Variants in LCMT1 observed in about 807,000 individuals in gnomAD.
The protein encoded by LCMT1 is leucine carboxyl methyltransferase 1.
A neutral mutation model predicts 47.7 loss-of-function variants in LCMT1; 32 were observed. The ratio of observed to expected loss-of-function variants is 0.67; its 90% CI spans 0.51 to 0.90. The LOEUF is 0.90. Ranked by LOEUF, LCMT1 falls within the 40% of genes least tolerant of loss-of-function variation. The pLI, the probability that LCMT1 is intolerant of heterozygous loss-of-function variation, is 0.00. For synonymous variants in LCMT1, 152 were observed against 149.7 expected, an observed-to-expected ratio of 1.02 and a Z score of -0.11; for missense variants, 375 against 415.2, an observed-to-expected ratio of 0.90 and a Z score of 0.84.
At position 25,120,004 on chromosome 16, in the gene LCMT1, C is replaced by T. The variant is rs573495162; in HGVS notation, c.113+8008C>T. ...TGAAATCCCGTCTCTACTAAAAATA[C>T]AAAAAACTAGCTGGGTGTGACTGCG... On this transcript the variant is annotated intron_variant, in intron 1 of 10. Coordinates refer to ENST00000399069, the MANE Select transcript of LCMT1 (RefSeq NM_016309.3). Among the ~76,000 whole-genome samples, 5 of 151,682 alleles carry T rather than the reference C, an allele frequency of 3.3e-5. No individual in the cohort carries two copies. The East Asian group carries it at 9.9e-4, about 30-fold the overall frequency.
intron 7 of LCMT1, among the ~76,000 whole-genome samples, chr16:25,167,531 C>T (rs1961623051): frequency 6.6e-6 from 1 of 151,918 alleles, no homozygotes. Context: ...AGGCTGGTCT[C>T]AAACTCCTGG....
chr16:25,161,210 AT>A lies in LCMT1; in HGVS notation c.569+17del, dbSNP rs761843189. 0.015 allele frequency: 19,466 copies of A among 1,274,348 alleles called. 13 individuals are homozygous for A. Among genetic ancestry groups the A allele is most frequent in the African/African-American group, 0.026 (1,711 of 66,354 alleles). 78.9% of individuals were successfully genotyped at this position (1,274,348 alleles called of 1,614,324 possible). The stretch of plus-strand genomic sequence containing the variant: ...AAATGTAACATGAATACACAGTGAG[AT>A]TTTTTTTTTTAAACCTCTTCTGCAT... On this transcript the variant is annotated splice_region_variant and intron_variant, in intron 6 of 10. Transcript: ENST00000399069.
At chr16:25,118,029 T>C (rs1359350784) in intron 1 of LCMT1, among the ~76,000 whole-genome samples, 1 of 152,144 alleles carries the variant, frequency 6.6e-6, no homozygotes, top group Non-Finnish European at 1.5e-5. Context: ...GTCTGTGATC[T>C]GAACTATGGT....
In LCMT1 at chr16:25,156,389, G is replaced by T. The variant is rs370576319; in HGVS notation, c.467-4713G>T. ...GCCTAGTGCACAGACAGTGTTGAATGAATACTCACGTGACTGCTTGAATGG... is the reference window on the plus strand; with the variant it reads ...GCCTAGTGCACAGACAGTGTTGAATTAATACTCACGTGACTGCTTGAATGG... On this transcript the variant is annotated intron_variant, in intron 5 of 10. Transcript: ENST00000399069. 1.1e-4 allele frequency among the ~76,000 whole-genome samples: 17 copies of T among 152,338 alleles called. No homozygotes were observed. The East Asian group carries it at 2.5e-3, about 22-fold the overall frequency.
chr16:25,113,140 C>CA (rs59940814), intron 1 of LCMT1, among the ~76,000 whole-genome samples: 88,121 of 108,976 alleles, frequency 0.81, 36,334 homozygotes, highest in South Asian at 0.91. Flanking sequence ...GACTATGTCT[C>CA]AAAAAAAAAA....
intron 1 of LCMT1, among the ~76,000 whole-genome samples, chr16:25,117,141 A>G (rs1309213665): frequency 6.6e-6 from 1 of 152,160 alleles, no homozygotes; most frequent in Non-Finnish European, 1.5e-5. Context: ...TGTTTTAGAA[A>G]AATTCCTAGC....
At chr16:25,120,039 A>G (rs1959918983) in intron 1 of LCMT1, among the ~76,000 whole-genome samples, 1 of 151,730 alleles carries the variant, frequency 6.6e-6, no homozygotes, top group African/African-American at 2.4e-5. Flanking sequence ...GGGCGCCTGT[A>G]ATCCTAGCTA....
At chr16:25,176,096 C>G (rs1230954050) in intron 10 of LCMT1, among the ~76,000 whole-genome samples, 2 of 152,176 alleles carry the variant, frequency 1.3e-5, no homozygotes, top group African/African-American at 4.8e-5. Flanking sequence ...TTTCCCTCTT[C>G]TCATTAAGGT....
chr16:25,169,013 G>A (rs568913047), intron 7 of LCMT1, 99 bp from the exon 8 acceptor site: 1 of 838,554 alleles, frequency 1.2e-6, no homozygotes, highest in Non-Finnish European at 2.0e-6. Context: ...GCGTCATCAA[G>A]CGTCAGCCTC....
At chr16:25,150,793 G>A (rs184685384) in intron 4 of LCMT1, among the ~76,000 whole-genome samples, 18 of 152,060 alleles carry the variant, frequency 1.2e-4, no homozygotes, top group Admixed American at 5.9e-4. Flanking sequence ...CTTATAAAGT[G>A]GAAATAATTT....
chr16:25,112,024 C>G (rs1160654533), intron 1 of LCMT1, 28 bp downstream of exon 1: 2 of 1,521,666 alleles, frequency 1.3e-6, no homozygotes, highest in Admixed American at 3.4e-5. Flanking sequence ...GGTTCGGGGC[C>G]GGCATCTGGG....
rs1162267229 is a variant in LCMT1 at position 25,178,051 on chromosome 16, A to G, written c.*28A>G. 6.2e-7 allele frequency: 1 copy of G among 1,612,612 alleles called. No homozygotes were observed. The highest frequency in any genetic ancestry group is 8.5e-7 in the Non-Finnish European group (1 of 1,179,192). The stretch of plus-strand genomic sequence containing the variant: ...TGTCGAAGGCTTATGCCGAGCCAGA[A>G]GCCGAAGCCACTTGCCCTCCTGGAG... On this transcript the variant is annotated 3_prime_UTR_variant, in exon 11 of 11. Transcript: ENST00000399069.
intron 9 of LCMT1, among the ~76,000 whole-genome samples, chr16:25,173,005 G>A (rs774553569): frequency 6.6e-6 from 1 of 152,242 alleles, no homozygotes; most frequent in South Asian, 2.1e-4. Flanking sequence ...ACCCTCACGG[G>A]GGAGGCGGGT....
rs1277757457 is a variant in LCMT1, at chr16:25,132,501, A to T, written c.305A>T (p.Asp102Val). The T allele has an allele frequency of 1.9e-6, 3 of 1,613,800 alleles. No individual in the cohort carries two copies. The highest frequency in any genetic ancestry group is 2.5e-6 in the Non-Finnish European group (3 of 1,179,736). Residue 102 changes from aspartate (D) to valine (V), a missense_variant, in exon 3 of 11, where the codon GAT (aspartate) becomes GTT (valine). Asp to Val is a radical substitution (Grantham distance 152, BLOSUM62 -3). Transcript: ENST00000399069. ...CQIVNLGAGMDTTFWRLKDED... is the reference protein window; with the variant it reads ...CQIVNLGAGMVTTFWRLKDED... ...ATTGTCAACCTTGGGGCAGGCATGG[A>T]TACCACCTTCTGGAGATTAAAGGTA... is the stretch of plus-strand genomic sequence containing the variant.
intron 1 of LCMT1, among the ~76,000 whole-genome samples, chr16:25,127,514 G>C (rs929352511): frequency 6.6e-6 from 1 of 152,162 alleles, no homozygotes; most frequent in African/African-American, 2.4e-5. Context: ...TTGTAGTCAG[G>C]CCAGAGGTAA....
intron 1 of LCMT1, among the ~76,000 whole-genome samples, chr16:25,118,042 T>A (rs1162055773): frequency 6.6e-6 from 1 of 152,218 alleles, no homozygotes; most frequent in African/African-American, 2.4e-5. Flanking sequence ...ACTATGGTAC[T>A]AGTCTCCCAA....
chr16:25,117,383 G>A (rs763576889), intron 1 of LCMT1, among the ~76,000 whole-genome samples: 1 of 152,168 alleles, frequency 6.6e-6, no homozygotes, highest in Admixed American at 6.5e-5. Flanking sequence ...CATATATACT[G>A]TACCTTTTCA....
At chr16:25,132,181 G>C (rs1960366574) in intron 2 of LCMT1, 1 of 534,512 alleles carries the variant, frequency 1.9e-6, no homozygotes, top group Non-Finnish European at 3.4e-6. Context: ...GTAGTTAATT[G>C]CTTCATGAAA....
chr16:25,174,756 G>A (rs1961876484), intron 9 of LCMT1, 181 bp from the exon 10 acceptor site: 4 of 376,876 alleles, frequency 1.1e-5, no homozygotes. Context: ...TTTGTTTATG[G>A]TATTTTTTCT....
Sources: allele counts gnomAD v4.1 joint callset (sites outside exome capture counted in the v4.1 genomes callset), GRCh38; gene constraint gnomAD v4.1.1; transcripts MANE v1.5; gene names NCBI Gene and HGNC (gene_info 2026-07-23, HGNC 2026-07-21).